TAAR2: variants seen among roughly 807,000 people sequenced by gnomAD.
TAAR2 encodes trace amine associated receptor 2, also known as trace amine-associated receptor 2.
TAAR2 carries 30 observed loss-of-function variants against 25.5 expected under a neutral mutation model. The observed-to-expected ratio is 1.18, with a 90% CI of 0.88 to 1.60. TAAR2 has a LOEUF of 1.60. TAAR2 is among the 40% of genes most tolerant of loss of function. The probability of loss-of-function intolerance (pLI) is 0.00; values close to 1 mark genes in which losing one functional copy is unlikely to be tolerated. For missense variants in TAAR2, 481 were observed against 416.5 expected, an observed-to-expected ratio of 1.15 and a Z score of -1.35; for synonymous variants, 150 against 142.4, an observed-to-expected ratio of 1.05 and a Z score of -0.38.
chr6:132,617,914 G>A lies in TAAR2; in HGVS notation c.292C>T (p.Pro98Ser), dbSNP rs140151764. 10 of 1,614,024 alleles carry A rather than the reference G, an allele frequency of 6.2e-6. No individual in the cohort carries two copies. Among genetic ancestry groups the A allele is most frequent in the Admixed American group, 1.7e-5 (1 of 60,010 alleles). Residue 98 changes from proline (P) to serine (S), a missense_variant, in exon 2 of 2, where the codon CCA becomes TCA. Coordinates refer to ENST00000367931, the MANE Select transcript of TAAR2 (RefSeq NM_001033080.1). The part of the protein sequence containing the change: ...TDFLLGFTIM[P>S]YSMIRSVENC... ...TCCACCGATCTGATCATACTATATG[G>A]CATGATGGTGAATCCCAGGAGGAAA...
At chr6:132,620,896 A>G (rs534920829) in intron 1 of TAAR2, among the ~76,000 whole-genome samples, 1 of 93,590 alleles carries the variant, frequency 1.1e-5, no homozygotes, top group Admixed American at 9.7e-5. Flanking sequence ...AAAAAAAAAG[A>G]CAGAAAGAAA....
chr6:132,620,640 G>A (rs9385617), intron 1 of TAAR2, among the ~76,000 whole-genome samples: 68,101 of 151,496 alleles, frequency 0.45, 16,123 homozygotes, highest in East Asian at 0.64. Context: ...GAGGAGGACG[G>A]GAGGAGGGAG....
At chr6:132,622,722 C>G (rs1777391436) in intron 1 of TAAR2, among the ~76,000 whole-genome samples, 1 of 151,860 alleles carries the variant, frequency 6.6e-6, no homozygotes, top group African/African-American at 2.4e-5. Context: ...CTGACCTCAT[C>G]ATTCGCCCAC....
Position 132,617,157 on chromosome 6 carries a change from C to A in TAAR2, c.1049G>T (p.Ser350Ile). Residue 350 changes from serine (S) to isoleucine (I), a missense_variant, in exon 2 of 2, where the codon AGT becomes ATT. Transcript: ENST00000367931. ...TATTCATGCAGAAAAAGCCTACTCA[C>A]TTTCTTTTTGCATACACAAAATAGT... ...HNTILCMQKE[S>I]E The A allele has an allele frequency of 1.3e-6, 2 of 1,576,328 alleles. No homozygotes were observed. The highest frequency in any genetic ancestry group is 2.3e-5 in the East Asian group (1 of 44,428).
At chr6:132,620,516 G>T (rs1051225544) in intron 1 of TAAR2, among the ~76,000 whole-genome samples, 1 of 152,148 alleles carries the variant, frequency 6.6e-6, no homozygotes, top group African/African-American at 2.4e-5. Context: ...TGAAATGGGG[G>T]TTTCTAACCA....
At chr6:132,620,975 T>C (rs1777364219) in intron 1 of TAAR2, among the ~76,000 whole-genome samples, 1 of 151,992 alleles carries the variant, frequency 6.6e-6, no homozygotes, top group East Asian at 1.9e-4. Flanking sequence ...CATTTCTTGT[T>C]AGCCACCTAC....
chr6:132,618,639 C>T lies in TAAR2; in HGVS notation c.61-494G>A, dbSNP rs116222226. On this transcript the variant is annotated intron_variant, in intron 1 of 1. Coordinates refer to ENST00000367931, the MANE Select transcript of TAAR2 (RefSeq NM_001033080.1). The stretch of plus-strand genomic sequence containing the variant: ...TGGGAGACAGAGAGAGACTCCATCT[C>T]GAGAAAAAAAAAAAATCATTATTTA... 2.1e-3 allele frequency among the ~76,000 whole-genome samples: 312 copies of T among 149,640 alleles called. 2 individuals carry two copies. The highest frequency in any genetic ancestry group is 7.3e-3 in the African/African-American group (296 of 40,704).
Position 132,624,196 on chromosome 6 carries a change from T to C in TAAR2, c.60+20A>G. ...TCAGATGCTACTGGTTTAAACTTAG[T>C]CATATGTTTAAGGGCCTACCTTTTT... is the stretch of plus-strand genomic sequence containing the variant. On this transcript the variant is annotated intron_variant, in intron 1 of 1. Transcript: ENST00000367931. The C allele has an allele frequency of 6.2e-7, 1 of 1,610,072 alleles. No homozygotes were observed. Among genetic ancestry groups the C allele is most frequent in the Non-Finnish European group, 8.5e-7 (1 of 1,176,684 alleles).
chr6:132,623,450 G>A (rs1582741203), intron 1 of TAAR2, among the ~76,000 whole-genome samples: 1 of 152,092 alleles, frequency 6.6e-6, no homozygotes, highest in South Asian at 2.1e-4. Flanking sequence ...AACAGCAATC[G>A]ACGGCATTAT....
intron 1 of TAAR2, among the ~76,000 whole-genome samples, chr6:132,620,820 C>T (rs1289680901): frequency 6.6e-6 from 1 of 151,584 alleles, no homozygotes; most frequent in East Asian, 1.9e-4. Context: ...AAAAAACACA[C>T]ATTAAAAAGT....
chr6:132,618,514 C>T (rs980155580), intron 1 of TAAR2, among the ~76,000 whole-genome samples: 1 of 152,088 alleles, frequency 6.6e-6, no homozygotes, highest in Non-Finnish European at 1.5e-5. Context: ...GTGGCATGTG[C>T]CTGTAATCCC....
rs775526990 is a variant in TAAR2 at position 132,619,851 on chromosome 6, A to G, written c.61-1706T>C. On this transcript the variant is annotated intron_variant, in intron 1 of 1. Coordinates refer to ENST00000367931, the MANE Select transcript of TAAR2 (RefSeq NM_001033080.1). ...GTCTCAATGGGTGAGTAGGATTTGA[A>G]CAGAAGAGAAAAAGCCTGTTCTACA... Among the ~76,000 whole-genome samples the G allele has an allele frequency of 2.4e-4, 37 of 152,252 alleles. 1 individual carries two copies. Among genetic ancestry groups the G allele is most frequent in the South Asian group, 1.0e-3 (5 of 4,818 alleles).
chr6:132,617,913 G>A lies in TAAR2; in HGVS notation c.293C>T (p.Pro98Leu). ...CTCCACCGATCTGATCATACTATAT[G>A]GCATGATGGTGAATCCCAGGAGGAA... ...TDFLLGFTIM[P>L]YSMIRSVENC... The change falls in exon 2 of 2, where the codon CCA becomes CTA. Residue 98 changes from proline (P) to leucine (L), a missense_variant. Physicochemically the swap from Pro to Leu is moderately conservative, Grantham distance 98. Coordinates refer to ENST00000367931, the MANE Select transcript of TAAR2 (RefSeq NM_001033080.1). The A allele has an allele frequency of 1.2e-6, 2 of 1,614,016 alleles. No homozygotes were observed. Among genetic ancestry groups the A allele is most frequent in the South Asian group, 2.2e-5 (2 of 91,084 alleles).
At chr6:132,618,806 T>C (rs1562195203) in intron 1 of TAAR2, among the ~76,000 whole-genome samples, 2 of 152,226 alleles carry the variant, frequency 1.3e-5, no homozygotes, top group Admixed American at 6.5e-5. Context: ...ACAATACATG[T>C]ACTTCTTCCT....
At position 132,617,173 on chromosome 6, in the gene TAAR2, A is replaced by T; in HGVS notation, c.1033T>A (p.Cys345Ser). Residue 345 changes from cysteine (C) to serine (S), a missense_variant, in exon 2 of 2, where the codon TGT becomes AGT. Physicochemically the swap from Cys to Ser is moderately radical, Grantham distance 112. Coordinates refer to ENST00000367931, the MANE Select transcript of TAAR2 (RefSeq NM_001033080.1). ...GCCTACTCACTTTCTTTTTGCATAC[A>T]CAAAATAGTATTATGGAAACATGAG... is the stretch of plus-strand genomic sequence containing the variant. ...FSSCFHNTIL[C>S]MQKESE is the part of the protein sequence containing the mutation. The T allele has an allele frequency of 6.3e-7, 1 of 1,587,252 alleles. No individual in the cohort carries two copies. The highest frequency in any genetic ancestry group is 8.5e-7 in the Non-Finnish European group (1 of 1,172,978).
intron 1 of TAAR2, among the ~76,000 whole-genome samples, chr6:132,621,824 A>ATTAT (rs1777379269): frequency 6.6e-6 from 1 of 152,170 alleles, no homozygotes; most frequent in Non-Finnish European, 1.5e-5. Context: ...ATATCAGATG[A>ATTAT]TTATTTGATG....
In TAAR2 at chr6:132,617,155, C is replaced by T. The variant is rs1418968934; in HGVS notation, c.1051G>A (p.Glu351Lys). 6.3e-7 allele frequency: 1 copy of T among 1,575,370 alleles called. No homozygotes were observed. The highest frequency in any genetic ancestry group is 2.0e-5 in the Admixed American group (1 of 49,190). The change falls in exon 2 of 2, where the codon GAG becomes AAG. Residue 351 changes from glutamate (E) to lysine (K), a missense_variant. Glu to Lys is a moderately conservative substitution (Grantham distance 56). Transcript: ENST00000367931. ...TTTATTCATGCAGAAAAAGCCTACT[C>T]ACTTTCTTTTTGCATACACAAAATA... ...NTILCMQKES[E>K]
rs201800311 is a variant in TAAR2, at chr6:132,617,714, T to G, written c.492A>C (p.Leu164=). ...KITIPVIKRL[L]LLCWSVPGAF... is the part of the protein sequence containing the mutation. ...CTCCAGGGACCGACCAACATAGAAGTAGCAATCTTTTAATGACTGGAATAG... is the reference window on the plus strand; with the variant it reads ...CTCCAGGGACCGACCAACATAGAAGGAGCAATCTTTTAATGACTGGAATAG... Residue 164 remains leucine (L), a synonymous_variant, in exon 2 of 2, where the codon CTA becomes CTC. Transcript: ENST00000367931. 1.2e-6 allele frequency: 2 copies of G among 1,613,852 alleles called. No homozygotes were observed. The highest frequency in any genetic ancestry group is 2.2e-5 in the South Asian group (2 of 91,080).
chr6:132,620,419 C>A lies in TAAR2; in HGVS notation c.61-2274G>T, dbSNP rs899829457. Among the ~76,000 whole-genome samples, 69 of 152,222 alleles carry A rather than the reference C, an allele frequency of 4.5e-4. 4 individuals carry two copies. Among genetic ancestry groups the A allele is most frequent in the Non-Finnish European group, 2.9e-5 (2 of 68,036 alleles). On this transcript the variant is annotated intron_variant, in intron 1 of 1. Transcript: ENST00000367931. ...TGTTTACAGAAACAGCTGACTTATT[C>A]ATGAAAGAGTTTCATCAGAACAGTT...
Sources: gnomAD v4.1 joint callset for allele counts (sites outside exome capture counted in the v4.1 genomes callset) on GRCh38, gnomAD v4.1.1 for gene constraint, MANE v1.5 for transcripts, NCBI Gene and HGNC (gene_info 2026-07-23, HGNC 2026-07-21) for gene names.